Variants in DNAH1 observed in about 807,000 individuals in gnomAD.
DNAH1 encodes the protein dynein axonemal heavy chain 1, also known as axonemal beta dynein heavy chain 1.
DNAH1 carries 327 observed loss-of-function variants against 484.3 expected under a neutral mutation model. That is an observed-to-expected ratio of 0.68 (90% CI 0.62 to 0.74). DNAH1 has a LOEUF of 0.74. DNAH1 is among the 30% of genes least tolerant of loss of function. The probability of loss-of-function intolerance (pLI) is 0.00; values close to 1 mark genes in which losing one functional copy is unlikely to be tolerated. For synonymous variants in DNAH1, 2,192 were observed against 2,191.9 expected (o/e 1.00, Z 0.00); for missense variants, 5,052 against 5,546.8 (o/e 0.91, Z 2.83).
Position 52,384,029 on chromosome 3 carries a change from C to T in DNAH1, c.8320C>T (p.Leu2774=). ...ATCCTCCCAGGAAGAAATCCAAGGA[C>T]TGGTGGGTGTCTTGCTGAAGCTCAG... ...LESSQEEIQG[L]IQVCVYIHQS... Residue 2774 remains leucine (L), a splice_region_variant and synonymous_variant, in exon 52 of 78, where the codon CTG becomes TTG. Coordinates refer to ENST00000420323, the MANE Select transcript of DNAH1 (RefSeq NM_015512.5). The T allele has an allele frequency of 6.3e-7, 1 of 1,599,556 alleles. No homozygotes were observed. Among genetic ancestry groups the T allele is most frequent in the Non-Finnish European group, 8.5e-7 (1 of 1,171,842 alleles).
intron 65 of DNAH1, 28 bp downstream of exon 65, chr3:52,393,053 C>T (rs369602411): frequency 3.7e-6 from 6 of 1,608,290 alleles, no homozygotes; most frequent in African/African-American, 2.7e-5. Context: ...GGCTCCTACC[C>T]TGCACAGATA....
chr3:52,372,132 A>G, intron 42 of DNAH1, 46 bp downstream of exon 42: 2 of 1,610,530 alleles, frequency 1.2e-6, no homozygotes, highest in East Asian at 2.2e-5. Context: ...CAAGGCCTAT[A>G]TTGGGGGTTG....
At position 52,359,996 on chromosome 3, in the gene DNAH1, G is replaced by A. The variant is rs1483624549; in HGVS notation, c.4488G>A (p.Glu1496=). The change falls in exon 27 of 78, where the codon GAG becomes GAA. Residue 1496 remains glutamate, a synonymous_variant. Coordinates refer to ENST00000420323, the MANE Select transcript of DNAH1 (RefSeq NM_015512.5). The part of the protein sequence containing the change: ...RAVLSALIVI[E]VHAKDVVSKL... Reference sequence around the variant, plus strand: ...TGCTGTCAGCGCTAATCGTCATTGAGGTCCATGCCAAGGACGTGGTGAGCA... The same window carrying A: ...TGCTGTCAGCGCTAATCGTCATTGAAGTCCATGCCAAGGACGTGGTGAGCA... 6.2e-7 allele frequency: 1 copy of A among 1,613,952 alleles called. No homozygotes were observed. Among genetic ancestry groups the A allele is most frequent in the Non-Finnish European group, 8.5e-7 (1 of 1,179,892 alleles).
chr3:52,383,612 C>T lies in DNAH1; in HGVS notation c.8150+18C>T. 1 of 1,548,464 alleles carries T rather than the reference C, an allele frequency of 6.5e-7. No homozygotes were observed. On this transcript the variant is annotated intron_variant, in intron 51 of 77. Transcript: ENST00000420323. ...TGCATGAGGTACAGGCAGCTGTCGC[C>T]AGGCTGCGCTGGGGCAGCGGAGCTG...
intron 20 of DNAH1, among the ~76,000 whole-genome samples, chr3:52,354,160 TCAAAA>T (rs1264779283): frequency 1.3e-5 from 2 of 151,742 alleles, no homozygotes; most frequent in Non-Finnish European, 2.9e-5. Context: ...AGACCCTGTC[TCAAAA>T]CAAAACAAAA....
chr3:52,314,395 C>A (rs1445116015), upstream of DNAH1, among the ~76,000 whole-genome samples: 1 of 152,176 alleles, frequency 6.6e-6, no homozygotes, highest in Non-Finnish European at 1.5e-5. Context: ...ATCCTGCACC[C>A]TCAGATGGAG....
In DNAH1 at chr3:52,322,609, AC is replaced by A. The variant is rs777765506; in HGVS notation, c.171del (p.Lys58SerfsTer25). 1.2e-6 allele frequency: 2 copies of A among 1,613,292 alleles called. No homozygotes were observed. The highest frequency in any genetic ancestry group is 1.7e-6 in the Non-Finnish European group (2 of 1,179,704). On this transcript the variant is annotated frameshift_variant, in exon 2 of 78. Coordinates refer to ENST00000420323, the MANE Select transcript of DNAH1 (RefSeq NM_015512.5). LOFTEE classifies it high-confidence loss of function. The part of the protein sequence containing the change: ...DYGLGNPPAL[D>X]PKLPHLPLPP... Reference sequence around the variant, plus strand: ...GGGTTGGGAAATCCTCCAGCCCTTGACCCCAAGCTCCCACATTTACCCCTGC... The same window carrying A: ...GGGTTGGGAAATCCTCCAGCCCTTGACCCAAGCTCCCACATTTACCCCTGC...
chr3:52,356,560 A>C, intron 21 of DNAH1, 54 bp from the exon 22 acceptor site: 1 of 1,585,138 alleles, frequency 6.3e-7, no homozygotes. Context: ...GACAAACCCC[A>C]GCTTGGACCC....
chr3:52,374,530 T>G, intron 44 of DNAH1: 1 of 1,493,016 alleles, frequency 6.7e-7, no homozygotes, highest in Non-Finnish European at 9.3e-7. Context: ...GTGAAGACCA[T>G]GGAGCCCCTC....
intron 44 of DNAH1, chr3:52,374,266 C>G (rs1226774309): frequency 2.0e-6 from 3 of 1,513,996 alleles, no homozygotes; most frequent in Non-Finnish European, 2.8e-6. Flanking sequence ...ATGGATTTGC[C>G]TTACCACTAA....
chr3:52,311,568 CCA>C (rs774972823), upstream of DNAH1, among the ~76,000 whole-genome samples: 129 of 152,276 alleles, frequency 8.5e-4, no homozygotes, highest in Non-Finnish European at 1.7e-3. Flanking sequence ...TTTTGCATCT[CCA>C]GTTTTCTTTA....
chr3:52,393,776 G>A (rs928074244), intron 66 of DNAH1, among the ~76,000 whole-genome samples: 2 of 152,232 alleles, frequency 1.3e-5, no homozygotes, highest in African/African-American at 4.8e-5. Flanking sequence ...GTGCACGCCT[G>A]TAATCCCAGC....
In DNAH1 at chr3:52,361,706, C is replaced by G. The variant is rs750922244; in HGVS notation, c.4920C>G (p.Ile1640Met). The G allele has an allele frequency of 6.2e-7, 1 of 1,611,632 alleles. No homozygotes were observed. The highest frequency in any genetic ancestry group is 1.7e-5 in the Admixed American group (1 of 59,736). The change falls in exon 30 of 78, where the codon ATC (isoleucine) becomes ATG (methionine). Residue 1640 changes from isoleucine (I) to methionine (M), a missense_variant. Coordinates refer to ENST00000420323, the MANE Select transcript of DNAH1 (RefSeq NM_015512.5). This position sits in a 1 kb window ranked among gnomAD's most constrained non-coding sequence, Gnocchi z 5.6. ...TCGACGAGTTCAATCGCATCGACAT[C>G]GAGGTGCTGTCTGTGGTGGCGCAGC... ...ACFDEFNRID[I>M]EVLSVVAQQI...
At position 52,368,891 on chromosome 3, in the gene DNAH1, C is replaced by T. The variant is rs957628583; in HGVS notation, c.5916C>T (p.Ser1972=). ...VLDDNKKLCL[S]SGEIIKLTEA... Reference sequence around the variant, plus strand: ...ATGACAACAAGAAGCTGTGCCTCAGCTCTGGGGAGATCATCAAGCTCACAG... The same window carrying T: ...ATGACAACAAGAAGCTGTGCCTCAGTTCTGGGGAGATCATCAAGCTCACAG... The change falls in exon 37 of 78, where the codon AGC becomes AGT. Residue 1972 remains serine, a synonymous_variant. Coordinates refer to ENST00000420323, the MANE Select transcript of DNAH1 (RefSeq NM_015512.5). This position sits in a 1 kb window ranked among gnomAD's most constrained non-coding sequence, Gnocchi z 4.4. The T allele has an allele frequency of 6.2e-7, 1 of 1,613,938 alleles. No homozygotes were observed. Among genetic ancestry groups the T allele is most frequent in the African/African-American group, 1.3e-5 (1 of 75,046 alleles).
chr3:52,381,854 G>A lies in DNAH1; in HGVS notation c.7805+18G>A, dbSNP rs1046248315. 88 of 1,556,036 alleles carry A rather than the reference G, an allele frequency of 5.7e-5. No homozygotes were observed. Among genetic ancestry groups the A allele is most frequent in the Non-Finnish European group, 7.0e-5 (81 of 1,149,086 alleles). On this transcript the variant is annotated intron_variant, in intron 49 of 77. Transcript: ENST00000420323. The surrounding 1 kb of genome is among the most constrained non-coding windows in gnomAD (Gnocchi z 4.1). ...TCGCACATGTGAGCGCCTCCAGGGC[G>A]TGCTGGGCAGTGGGCGGCCAGGGCT...
At chr3:52,346,427 T>A in intron 10 of DNAH1, 45 bp from the exon 11 acceptor site, 1 of 1,557,292 alleles carries the variant, frequency 6.4e-7, no homozygotes, top group Non-Finnish European at 8.7e-7. Flanking sequence ...CTATAGGTCG[T>A]GGGTCCCCAG....
In DNAH1 at chr3:52,326,193, A is replaced by G. The variant is rs776727806; in HGVS notation, c.460A>G (p.Ile154Val). 1.9e-6 allele frequency: 3 copies of G among 1,612,942 alleles called. No individual in the cohort carries two copies. The highest frequency in any genetic ancestry group is 1.7e-5 in the Admixed American group (1 of 59,918). ...CCAGGAGCGCATGGAGCAGCAGTGC[A>G]TCGGGTCCACCACCCGGCTGCTCGC... ...DFQERMEQQC[I>V]GSTTRLLAQT... The change falls in exon 4 of 78, where the codon ATC becomes GTC. Residue 154 changes from isoleucine (I) to valine (V), a missense_variant. Ile to Val is a conservative substitution (Grantham distance 29, BLOSUM62 3). This residue lies in a region of DNAH1 where 1,263 missense variants were observed against 1,218.8 expected (regional missense o/e 1.04). Coordinates refer to ENST00000420323, the MANE Select transcript of DNAH1 (RefSeq NM_015512.5).
At chr3:52,327,553 G>C (rs772108492) in intron 5 of DNAH1, among the ~76,000 whole-genome samples, 1 of 152,196 alleles carries the variant, frequency 6.6e-6, no homozygotes, top group Admixed American at 6.5e-5. Flanking sequence ...AGGTGGCCCT[G>C]GGCAGTGGGA....
rs770143765 is a variant in DNAH1, at chr3:52,372,253, G to A, written c.6693G>A (p.Thr2231=). 21 of 1,613,782 alleles carry A rather than the reference G, an allele frequency of 1.3e-5. 2 individuals are homozygous for A. The highest frequency in any genetic ancestry group is 1.1e-5 in the South Asian group (1 of 91,074). The change falls in exon 43 of 78, where the codon ACG becomes ACA. Residue 2231 remains threonine (T), a synonymous_variant. Transcript: ENST00000420323. ...TGCTGTGCATTGGGCCAACAGGCACGGGGAAGACGCTCACCATCTCTGACA... is the reference window on the plus strand; with the variant it reads ...TGCTGTGCATTGGGCCAACAGGCACAGGGAAGACGCTCACCATCTCTGACA... ...KPVLCIGPTG[T]GKTLTISDKL... is the part of the protein sequence containing the mutation.
Sources: allele counts gnomAD v4.1 joint callset (sites outside exome capture counted in the v4.1 genomes callset), GRCh38; gene constraint gnomAD v4.1.1; regional missense constraint gnomAD v4.1.1; non-coding constraint Gnocchi (gnomAD v3.1); transcripts MANE v1.5; gene names NCBI Gene and HGNC (gene_info 2026-07-23, HGNC 2026-07-21).